Variants in GLDC observed in about 807,000 individuals in gnomAD.
GLDC encodes the protein glycine decarboxylase, also known as glycine dehydrogenase (decarboxylating), mitochondrial.
In GLDC, 104 loss-of-function variants were observed where a neutral mutation model predicts 121.3. That is an observed-to-expected ratio of 0.86 (90% CI 0.73 to 1.01). The LOEUF (loss-of-function observed/expected upper bound fraction) is 1.01, where lower values mean the gene tolerates loss of function less well. Ranked by LOEUF, GLDC falls within the 50% of genes least tolerant of loss-of-function variation. The pLI is 0.00. For missense variants in GLDC, 1,429 were observed against 1,306.6 expected (o/e 1.09, Z -1.44); for synonymous variants, 546 against 480.6 (o/e 1.14, Z -1.78).
At position 6,537,075 on chromosome 9, in the gene GLDC, G is replaced by A. The variant is rs115320638; in HGVS notation, c.2666-839C>T. On this transcript the variant is annotated intron_variant, in intron 22 of 24. Transcript: ENST00000321612. The stretch of plus-strand genomic sequence containing the variant: ...AGACAGGGTCTTGCTGTATCGCTCA[G>A]GTTAGAGTGCACTGGCACACTCACG... 9.1e-3 allele frequency among the ~76,000 whole-genome samples: 1,355 copies of A among 149,292 alleles called. 19 individuals are homozygous for A. Among genetic ancestry groups the A allele is most frequent in the African/African-American group, 0.032 (1,286 of 40,424 alleles).
chr9:6,539,383 G>T (rs1163169437), intron 22 of GLDC, among the ~76,000 whole-genome samples: 3 of 152,122 alleles, frequency 2.0e-5, no homozygotes, highest in African/African-American at 7.2e-5. Flanking sequence ...GGAGGCTGAG[G>T]CATGAGAATC....
intron 15 of GLDC, among the ~76,000 whole-genome samples, chr9:6,579,077 C>T (rs913518355): frequency 2.0e-5 from 3 of 152,044 alleles, no homozygotes; most frequent in African/African-American, 4.8e-5. Flanking sequence ...TATACTATTC[C>T]TTTATAATTC....
chr9:6,551,319 C>T (rs191404327), intron 20 of GLDC, among the ~76,000 whole-genome samples: 18 of 152,286 alleles, frequency 1.2e-4, no homozygotes, highest in Admixed American at 7.2e-4. Context: ...AATATCTCCA[C>T]GGAAGCAATT....
At chr9:6,571,530 G>A (rs536838442) in intron 15 of GLDC, among the ~76,000 whole-genome samples, 1 of 152,282 alleles carries the variant, frequency 6.6e-6, no homozygotes, top group East Asian at 1.9e-4. Flanking sequence ...CGATTTCACT[G>A]TTCCTTGAAA....
At chr9:6,537,710 G>A (rs1044935702) in intron 22 of GLDC, among the ~76,000 whole-genome samples, 4 of 152,088 alleles carry the variant, frequency 2.6e-5, no homozygotes, top group African/African-American at 9.7e-5. Context: ...GAATCCAGGA[G>A]GTGAGCCTGC....
intron 2 of GLDC, among the ~76,000 whole-genome samples, chr9:6,623,611 A>AT (rs1034104330): frequency 4.6e-5 from 7 of 152,108 alleles, no homozygotes; most frequent in African/African-American, 9.6e-5. Context: ...AGAATGATCA[A>AT]TAAAAAAAAA....
intron 4 of GLDC, among the ~76,000 whole-genome samples, chr9:6,609,764 TGA>T: frequency 6.6e-6 from 1 of 152,156 alleles, no homozygotes; most frequent in East Asian, 1.9e-4. Context: ...TGCCCTGCCT[TGA>T]GAGACCTCAC....
intron 15 of GLDC, chr9:6,585,005 G>A (rs896603980): frequency 3.3e-5 from 5 of 152,172 alleles, no homozygotes; most frequent in Admixed American, 1.3e-4. Flanking sequence ...GGCTGCAGTT[G>A]GAATCATGTA....
intron 2 of GLDC, chr9:6,639,110 A>G (rs1819572487): frequency 1.4e-6 from 1 of 721,670 alleles, no homozygotes; most frequent in South Asian, 1.5e-5. Flanking sequence ...CCTATTGAGA[A>G]TTAATGACAA....
chr9:6,639,668 A>AAAAAAAAAATATATAT, intron 2 of GLDC: 76 of 250,532 alleles, frequency 3.0e-4, no homozygotes, highest in African/African-American at 1.3e-3. Context: ...ATAAAAAAAA[A>AAAAAAAAAATATATAT]GTATATATAT....
chr9:6,606,296 CGAGACTCCGTCTCAAAAAAAAAAA>C (rs1818730500), intron 5 of GLDC: 36 of 368,144 alleles, frequency 9.8e-5, no homozygotes, highest in South Asian at 8.2e-4. Flanking sequence ...GACGACAGAG[CGAGACTCCGTCTCAAAAAAAAAAA>C]AAAAAAAAAG....
chr9:6,535,555 G>C (rs1817108713), intron 23 of GLDC, among the ~76,000 whole-genome samples: 1 of 151,934 alleles, frequency 6.6e-6, no homozygotes, highest in Admixed American at 6.6e-5. Flanking sequence ...TGATCTTCCA[G>C]CTTAATATCT....
intron 3 of GLDC, among the ~76,000 whole-genome samples, chr9:6,613,079 T>C (rs1032557074): frequency 3.3e-5 from 5 of 152,162 alleles, no homozygotes; most frequent in African/African-American, 1.2e-4. Flanking sequence ...TGATTAACAC[T>C]AAATTTTCTT....
intron 2 of GLDC, among the ~76,000 whole-genome samples, chr9:6,623,497 C>G (rs4742228): frequency 0.013 from 1,934 of 150,822 alleles, 74 homozygotes; most frequent in Admixed American, 0.062. Flanking sequence ...GCAGGGTCCT[C>G]TGCCTAGGAA....
intron 2 of GLDC, among the ~76,000 whole-genome samples, chr9:6,641,752 T>C (rs1215753212): frequency 6.6e-6 from 1 of 152,220 alleles, no homozygotes; most frequent in Admixed American, 6.5e-5. Context: ...TTATGTGTAA[T>C]AAGTAACCCA....
intron 15 of GLDC, among the ~76,000 whole-genome samples, chr9:6,576,799 G>A (rs1283932690): frequency 2.6e-5 from 4 of 152,164 alleles, no homozygotes; most frequent in Non-Finnish European, 5.9e-5. Flanking sequence ...GAATTTTGAA[G>A]GAATGCAAAC....
At chr9:6,620,466 T>G in intron 2 of GLDC, 147 bp from the exon 3 acceptor site, 1 of 710,328 alleles carries the variant, frequency 1.4e-6, no homozygotes, top group Non-Finnish European at 2.5e-6. Flanking sequence ...CAACACTAAG[T>G]ACTGTATGCG....
intron 2 of GLDC, among the ~76,000 whole-genome samples, chr9:6,626,647 T>C (rs111805164): frequency 6.8e-6 from 1 of 146,850 alleles, no homozygotes; most frequent in African/African-American, 2.5e-5. Context: ...CTGAAGTCCC[T>C]AGACTCTCAA....
chr9:6,630,978 G>A (rs1372049028), intron 2 of GLDC, among the ~76,000 whole-genome samples: 1 of 152,170 alleles, frequency 6.6e-6, no homozygotes, highest in Non-Finnish European at 1.5e-5. Flanking sequence ...GCTGAATCAC[G>A]GAATGTGTTG....
Sources: gnomAD v4.1 joint callset for allele counts (sites outside exome capture counted in the v4.1 genomes callset) on GRCh38, gnomAD v4.1.1 for gene constraint, MANE v1.5 for transcripts, NCBI Gene and HGNC (gene_info 2026-07-23, HGNC 2026-07-21) for gene names.